Variants in CRACD observed in about 807,000 individuals in gnomAD.
CRACD encodes the protein capping protein inhibiting regulator of actin dynamics.
Under a neutral mutation model 106.8 loss-of-function variants are expected in CRACD, and 56 were observed. The observed-to-expected ratio is 0.52, with a 90% CI of 0.42 to 0.66. The LOEUF (loss-of-function observed/expected upper bound fraction) is 0.66. Among genes scored for constraint, CRACD ranks in the 30% least tolerant of loss-of-function variants. The probability of loss-of-function intolerance (pLI) is 0.00; values close to 1 mark genes in which losing one functional copy is unlikely to be tolerated. For missense variants in CRACD, 1,730 were observed against 1,623.2 expected, an observed-to-expected ratio of 1.07 and a Z score of -1.13; for synonymous variants, 754 against 670.8, an observed-to-expected ratio of 1.12 and a Z score of -1.92.
chr4:56,224,148 AT>A (rs56275149), intron 2 of CRACD, among the ~76,000 whole-genome samples: 2 of 149,922 alleles, frequency 1.3e-5, no homozygotes, highest in African/African-American at 2.5e-5. Context: ...TTTCTTCGCT[AT>A]TTTTTTTTAT....
rs556822126 is a variant in CRACD at position 56,159,891 on chromosome 4, C to T, written c.-335-19393C>T. Among the ~76,000 whole-genome samples, 297 of 152,048 alleles carry T rather than the reference C, an allele frequency of 2.0e-3. 1 individual carries two copies. Among genetic ancestry groups the T allele is most frequent in the African/African-American group, 6.5e-3 (268 of 41,530 alleles). The stretch of plus-strand genomic sequence containing the variant: ...CCACCTCCCGGGTTCAAACGATTCT[C>T]CTGCCTCAGCCTCCTGAGTAGCTGG... On this transcript the variant is annotated intron_variant, in intron 1 of 10. Transcript: ENST00000682029.
Position 56,057,811 on chromosome 4 carries a change from T to G in CRACD, c.-336+8512T>G, listed in dbSNP as rs552655723. On this transcript the variant is annotated intron_variant, in intron 1 of 10. Transcript: ENST00000682029. ...GCTCATTTTTTGTATTTTTTTTTTT[T>G]TTGTTTTTTTTTTTTTTTTTTTTTT... Among the ~76,000 whole-genome samples, 56 of 60,450 alleles carry G rather than the reference T, an allele frequency of 9.3e-4. 9 individuals are homozygous for G. The highest frequency in any genetic ancestry group is 3.1e-3 in the South Asian group (7 of 2,240). The allele number at this position is 60,450 out of a possible 152,430, so 39.7% of individuals were successfully genotyped here. A position where few individuals can be genotyped will look rare whatever the true frequency, so the allele number is the denominator to read the frequency against.
chr4:56,061,256 G>A (rs145158589), intron 1 of CRACD, among the ~76,000 whole-genome samples: 2 of 152,170 alleles, frequency 1.3e-5, no homozygotes, highest in African/African-American at 4.8e-5. Context: ...CGGCAGCCTC[G>A]ACCTCCGGGG....
intron 1 of CRACD, among the ~76,000 whole-genome samples, chr4:56,107,684 T>G (rs1228739379): frequency 6.6e-6 from 1 of 152,112 alleles, no homozygotes; most frequent in Admixed American, 6.5e-5. Context: ...CCAACCCAAA[T>G]CTTCATTTTA....
intron 2 of CRACD, among the ~76,000 whole-genome samples, chr4:56,215,190 T>A (rs1313072141): frequency 6.6e-6 from 1 of 152,122 alleles, no homozygotes; most frequent in African/African-American, 2.4e-5. Context: ...TTTTAATTTT[T>A]AAATGTTTTT....
At chr4:56,244,272 G>A (rs1165564321) in intron 2 of CRACD, among the ~76,000 whole-genome samples, 1 of 152,030 alleles carries the variant, frequency 6.6e-6, no homozygotes, top group African/African-American at 2.4e-5. Flanking sequence ...GCCTGATAAT[G>A]AGGGGGCCTG....
intron 1 of CRACD, among the ~76,000 whole-genome samples, chr4:56,049,505 C>G (rs1227215121): frequency 6.6e-6 from 1 of 152,108 alleles, no homozygotes; most frequent in African/African-American, 2.4e-5. Flanking sequence ...CCCGGAGGAA[C>G]CTGCGCGCGG....
At chr4:56,141,546 G>C (rs1435538024) in intron 1 of CRACD, among the ~76,000 whole-genome samples, 2 of 151,944 alleles carry the variant, frequency 1.3e-5, no homozygotes, top group African/African-American at 4.8e-5. Context: ...GCAGTGAGCT[G>C]TGATCGTACC....
intron 2 of CRACD, among the ~76,000 whole-genome samples, chr4:56,230,515 G>A (rs780689793): frequency 4.4e-4 from 67 of 152,290 alleles, no homozygotes; most frequent in Non-Finnish European, 8.2e-4. Context: ...AATTGAGTCA[G>A]AAGGTCTAGT....
chr4:56,256,223 A>G (rs58800795), intron 2 of CRACD, among the ~76,000 whole-genome samples: 47,260 of 152,030 alleles, frequency 0.31, 7,917 homozygotes, highest in East Asian at 0.65. Context: ...GGTCTTTCCC[A>G]TGCTGTTCTT....
At chr4:56,172,891 G>T (rs1443403380) in intron 1 of CRACD, among the ~76,000 whole-genome samples, 1 of 152,148 alleles carries the variant, frequency 6.6e-6, no homozygotes, top group Non-Finnish European at 1.5e-5. Context: ...CAAAGTGCTG[G>T]ATTACGGGCA....
intron 1 of CRACD, among the ~76,000 whole-genome samples, chr4:56,153,833 G>A (rs1422057809): frequency 1.3e-5 from 2 of 152,184 alleles, no homozygotes; most frequent in Non-Finnish European, 2.9e-5. Context: ...CTGGACAGGT[G>A]TCCTTTTGCC....
intron 1 of CRACD, among the ~76,000 whole-genome samples, chr4:56,176,431 C>CTT (rs3036818): frequency 0.035 from 4,784 of 137,164 alleles, 190 homozygotes; most frequent in Middle Eastern, 0.052. Context: ...CTTCCAATTT[C>CTT]TTTTTTTTTT....
chr4:56,254,954 AAATAAT>A (rs1158653195), intron 2 of CRACD, among the ~76,000 whole-genome samples: 1 of 151,740 alleles, frequency 6.6e-6, no homozygotes, highest in Non-Finnish European at 1.5e-5. Context: ...AAATACAAAA[AAATAAT>A]AATAATAACT....
intron 2 of CRACD, among the ~76,000 whole-genome samples, chr4:56,182,345 G>T (rs572909132): frequency 1.3e-5 from 2 of 152,020 alleles, no homozygotes; most frequent in South Asian, 4.2e-4. Flanking sequence ...ACCCCAGCCT[G>T]GGTGACAGAG....
chr4:56,106,019 A>G lies in CRACD; in HGVS notation c.-336+56720A>G, dbSNP rs575176212. Among the ~76,000 whole-genome samples, 11 of 152,250 alleles carry G rather than the reference A, an allele frequency of 7.2e-5. No individual in the cohort carries two copies. The South Asian group carries it at 2.1e-3, about 29-fold the overall frequency. On this transcript the variant is annotated intron_variant, in intron 1 of 10. Coordinates refer to ENST00000682029, the MANE Select transcript of CRACD (RefSeq NM_001393381.1). Reference sequence around the variant, plus strand: ...TCTCCGTTAAAACCTGCTTTCTGCAAAGTGGCTGGGTGTGTATCGAAGTTA... The same window carrying G: ...TCTCCGTTAAAACCTGCTTTCTGCAGAGTGGCTGGGTGTGTATCGAAGTTA...
At position 56,252,672 on chromosome 4, in the gene CRACD, G is replaced by C. The variant is rs184785402; in HGVS notation, c.-188-19649G>C. On this transcript the variant is annotated intron_variant, in intron 2 of 10. Transcript: ENST00000682029. ...TTAGCATGCAGGATATAAAGTTACA[G>C]GATTATTGAAGCAGGAGTCCAGGCA... Among the ~76,000 whole-genome samples the C allele has an allele frequency of 2.2e-3, 337 of 152,310 alleles. 1 individual carries two copies. Among genetic ancestry groups the C allele is most frequent in the African/African-American group, 7.6e-3 (316 of 41,566 alleles).
chr4:56,138,077 C>T (rs1019971234), intron 1 of CRACD, among the ~76,000 whole-genome samples: 1 of 151,820 alleles, frequency 6.6e-6, no homozygotes, highest in Non-Finnish European at 1.5e-5. Flanking sequence ...CCAACCCCCC[C>T]ACCCACTCTC....
chr4:56,297,321 A>C (rs964910297), intron 3 of CRACD, among the ~76,000 whole-genome samples: 1 of 152,162 alleles, frequency 6.6e-6, no homozygotes, highest in African/African-American at 2.4e-5. Flanking sequence ...TTCAACTAAA[A>C]AGTGTTTTAG....
Sources: gnomAD v4.1 joint callset for allele counts (sites outside exome capture counted in the v4.1 genomes callset) on GRCh38, gnomAD v4.1.1 for gene constraint, MANE v1.5 for transcripts, NCBI Gene and HGNC (gene_info 2026-07-23, HGNC 2026-07-21) for gene names.